PRTG: variants seen among roughly 807,000 people sequenced by gnomAD.
PRTG encodes the protein immunoglobulin superfamily, DCC subclass, member 5.
PRTG carries 67 observed loss-of-function variants against 122.5 expected under a neutral mutation model. The observed-to-expected ratio is 0.55, with a 90% CI of 0.45 to 0.67. The LOEUF (loss-of-function observed/expected upper bound fraction) is 0.67. Among genes scored for constraint, PRTG ranks in the 30% least tolerant of loss-of-function variants. The probability of loss-of-function intolerance (pLI) is 0.00; values close to 1 mark genes in which losing one functional copy is unlikely to be tolerated. For missense variants in PRTG, 1,435 were observed against 1,415.4 expected (o/e 1.01, Z -0.22); for synonymous variants, 554 against 501.1 (o/e 1.11, Z -1.41).
chr15:55,702,124 A>G (rs954329092), intron 2 of PRTG, among the ~76,000 whole-genome samples: 3 of 152,232 alleles, frequency 2.0e-5, no homozygotes, highest in Non-Finnish European at 2.9e-5. Context: ...TACTTCTTTA[A>G]AAAACAGAAA....
intron 6 of PRTG, chr15:55,679,815 G>C (rs1229403274): frequency 4.0e-6 from 2 of 495,600 alleles, no homozygotes; most frequent in Non-Finnish European, 7.1e-6. Flanking sequence ...GATGGAGATA[G>C]AAGGGAAGCC....
At position 55,743,094 on chromosome 15, in the gene PRTG, G is replaced by C. The variant is rs1011924035; in HGVS notation, c.-163C>G. ...GAGCGTCTCTGCGGCGGCGAGGCTG[G>C]TGCTCGGACGGCCGCTCGCGAGAAG... On this transcript the variant is annotated 5_prime_UTR_variant, in exon 1 of 20. Transcript: ENST00000389286. The C allele has an allele frequency of 7.8e-7, 1 of 1,280,534 alleles. No homozygotes were observed. The allele number at this position is 1,280,534 out of a possible 1,614,324, so 79.3% of individuals were successfully genotyped here.
intron 19 of PRTG, 139 bp downstream of exon 19, chr15:55,620,524 C>A: frequency 7.5e-7 from 1 of 1,335,774 alleles, no homozygotes; most frequent in Non-Finnish European, 1.0e-6. Flanking sequence ...TCCACAGAGC[C>A]ATGCCCCAAA....
intron 11 of PRTG, among the ~76,000 whole-genome samples, chr15:55,642,987 C>T (rs2059300935): frequency 6.6e-6 from 1 of 151,934 alleles, no homozygotes. Flanking sequence ...GCAGGAGGAC[C>T]AGTTGAGCCC....
At chr15:55,713,870 C>G (rs1222548245) in intron 2 of PRTG, among the ~76,000 whole-genome samples, 1 of 152,128 alleles carries the variant, frequency 6.6e-6, no homozygotes, top group African/African-American at 2.4e-5. Context: ...TACTGGTTTA[C>G]ACTGTCTTTC....
At position 55,613,106 on chromosome 15, in the gene PRTG, G is replaced by A. The variant is rs1396780554; in HGVS notation, c.*6906C>T. ...ACAAAAAAATTATCCTCATTTCATG[G>A]ATGGAGAAGGCACAGAAACAGTTTA... On this transcript the variant is annotated 3_prime_UTR_variant, in exon 20 of 20. Coordinates refer to ENST00000389286, the MANE Select transcript of PRTG (RefSeq NM_173814.6). The A allele has an allele frequency of 6.6e-6, 1 of 151,888 alleles. No individual in the cohort carries two copies. The highest frequency in any genetic ancestry group is 1.9e-4 in the East Asian group (1 of 5,192). 9.4% of individuals were successfully genotyped at this position (151,888 alleles called of 1,614,324 possible).
intron 2 of PRTG, among the ~76,000 whole-genome samples, chr15:55,696,362 T>C (rs931289903): frequency 3.3e-5 from 5 of 152,238 alleles, no homozygotes; most frequent in Non-Finnish European, 5.9e-5. Flanking sequence ...AGCTTATTTT[T>C]ATGACACTGG....
rs144842525 is a variant in PRTG, at chr15:55,633,191, T to G, written c.2623+3979A>C. The stretch of plus-strand genomic sequence containing the variant: ...AGTGCTTTTTAGATTTAAAAAGAAT[T>G]GAGCAGTTTGTGCTGATTTACTGCA... On this transcript the variant is annotated intron_variant, in intron 15 of 19. Coordinates refer to ENST00000389286, the MANE Select transcript of PRTG (RefSeq NM_173814.6). Among the ~76,000 whole-genome samples the G allele has an allele frequency of 5.2e-3, 786 of 152,262 alleles. 6 individuals carry two copies. The highest frequency in any genetic ancestry group is 0.017 in the African/African-American group (723 of 41,556).
At chr15:55,625,898 C>T (rs756301863) in intron 17 of PRTG, among the ~76,000 whole-genome samples, 3 of 152,062 alleles carry the variant, frequency 2.0e-5, no homozygotes, top group Non-Finnish European at 2.9e-5. Flanking sequence ...GCTGGGATTA[C>T]AGGCGTGAAC....
intron 15 of PRTG, 130 bp from the exon 16 acceptor site, chr15:55,629,134 T>G: frequency 1.8e-6 from 1 of 542,706 alleles, no homozygotes; most frequent in Non-Finnish European, 3.1e-6. Context: ...TGTAGAACAT[T>G]TAGAAAATAA....
chr15:55,726,641 CA>C (rs201283767), intron 2 of PRTG, among the ~76,000 whole-genome samples: 21,757 of 93,746 alleles, frequency 0.23, 1,985 homozygotes, highest in East Asian at 0.42. Flanking sequence ...ATCTTCGTCT[CA>C]AAAAAAAAAA....
chr15:55,682,838 C>T (rs2059548446), intron 3 of PRTG, among the ~76,000 whole-genome samples: 1 of 152,118 alleles, frequency 6.6e-6, no homozygotes, highest in Non-Finnish European at 1.5e-5. Context: ...GTTGGAATTA[C>T]AGGTGTGAGC....
In PRTG at chr15:55,611,617, T is replaced by C. The variant is rs1212679423; in HGVS notation, c.*8395A>G. 2 of 152,156 alleles carry C rather than the reference T, an allele frequency of 1.3e-5. No individual in the cohort carries two copies. The highest frequency in any genetic ancestry group is 2.4e-5 in the African/African-American group (1 of 41,442). The allele number at this position is 152,156 out of a possible 1,614,324, so 9.4% of individuals were successfully genotyped here. On this transcript the variant is annotated 3_prime_UTR_variant, in exon 20 of 20. Coordinates refer to ENST00000389286, the MANE Select transcript of PRTG (RefSeq NM_173814.6). ...TATTTAGACAGCAGTTTCATAAACA[T>C]TTTGGCATTTAAACTTTTATTCATT... is the stretch of plus-strand genomic sequence containing the variant.
intron 2 of PRTG, among the ~76,000 whole-genome samples, chr15:55,709,629 G>T (rs1327171087): frequency 6.6e-6 from 1 of 152,016 alleles, no homozygotes; most frequent in Non-Finnish European, 1.5e-5. Context: ...TTTGGAAACA[G>T]CCCTAATGTA....
At chr15:55,651,136 C>CA (rs2059351088) in intron 11 of PRTG, among the ~76,000 whole-genome samples, 2 of 152,020 alleles carry the variant, frequency 1.3e-5, no homozygotes, top group Admixed American at 1.3e-4. Context: ...AATCAGATAG[C>CA]AAATAGTAAG....
chr15:55,622,165 T>C (rs915144759), intron 18 of PRTG, among the ~76,000 whole-genome samples: 8 of 151,698 alleles, frequency 5.3e-5, no homozygotes, highest in African/African-American at 1.9e-4. Context: ...ACCTCTCTCA[T>C]ATCTACTTCC....
At chr15:55,707,707 T>C (rs2141849049) in intron 2 of PRTG, among the ~76,000 whole-genome samples, 2 of 152,324 alleles carry the variant, frequency 1.3e-5, no homozygotes, top group South Asian at 4.1e-4. Context: ...GTCACATTCA[T>C]TCAAGCACAG....
At chr15:55,644,040 C>T (rs601062) in intron 11 of PRTG, among the ~76,000 whole-genome samples, 145,778 of 151,994 alleles carry the variant, frequency 0.96, 70,206 homozygotes, top group East Asian at 1. Context: ...AATTTCCCCA[C>T]GTTGGTCAGG....
Position 55,709,376 on chromosome 15 carries a change from A to T in PRTG, c.398-25445T>A, listed in dbSNP as rs187626969. ...TATATAAAATATATATAAAATATAC[A>T]ATATATATATATAGAGAGAGAGAGC... On this transcript the variant is annotated intron_variant, in intron 2 of 19. Transcript: ENST00000389286. Among the ~76,000 whole-genome samples the T allele has an allele frequency of 3.9e-3, 574 of 146,380 alleles. 5 individuals carry two copies. Among genetic ancestry groups the T allele is most frequent in the African/African-American group, 8.8e-3 (352 of 39,906 alleles).
Sources: allele counts gnomAD v4.1 joint callset (sites outside exome capture counted in the v4.1 genomes callset), GRCh38; gene constraint gnomAD v4.1.1; transcripts MANE v1.5; gene names NCBI Gene and HGNC (gene_info 2026-07-23, HGNC 2026-07-21).